The following UGT8 variants were observed in gnomAD, a reference collection of about 807,000 sequenced individuals.
UGT8 encodes the protein 2-hydroxyacylsphingosine 1-beta-galactosyltransferase.
A neutral mutation model predicts 40.5 loss-of-function variants in UGT8; 12 were observed. The observed-to-expected ratio is 0.30, with a 90% CI of 0.19 to 0.48. The LOEUF (loss-of-function observed/expected upper bound fraction) is 0.48, where lower values mean the gene tolerates loss of function less well. UGT8 is among the 20% of genes least tolerant of loss of function. UGT8 has a pLI of 0.99. For synonymous variants in UGT8, 224 were observed against 240.4 expected (o/e 0.93, Z 0.63); for missense variants, 513 against 648.7 (o/e 0.79, Z 2.27).
At chr4:114,617,091 A>C (rs1731488922) in intron 1 of UGT8, among the ~76,000 whole-genome samples, 1 of 152,050 alleles carries the variant, frequency 6.6e-6, no homozygotes, top group Non-Finnish European at 1.5e-5. Context: ...TCTCTACTAA[A>C]AAAAATACAA....
At chr4:114,651,421 T>C (rs899879755) in intron 2 of UGT8, among the ~76,000 whole-genome samples, 1 of 152,138 alleles carries the variant, frequency 6.6e-6, no homozygotes, top group African/African-American at 2.4e-5. Flanking sequence ...TTTATAAATG[T>C]AGAAGTCTCA....
intron 2 of UGT8, among the ~76,000 whole-genome samples, chr4:114,637,928 T>C (rs1228920254): frequency 6.6e-6 from 1 of 152,234 alleles, no homozygotes; most frequent in African/African-American, 2.4e-5. Context: ...GAGTTTGGGC[T>C]AAACGAACCT....
At chr4:114,615,171 G>A (rs1422141463) in intron 1 of UGT8, among the ~76,000 whole-genome samples, 66 of 151,728 alleles carry the variant, frequency 4.3e-4, no homozygotes, top group Non-Finnish European at 1.9e-4. Context: ...TGGGATATGA[G>A]TACATTAATT....
intron 1 of UGT8, among the ~76,000 whole-genome samples, chr4:114,612,802 A>G (rs1367781019): frequency 6.6e-6 from 1 of 152,150 alleles, no homozygotes; most frequent in Non-Finnish European, 1.5e-5. Context: ...CGTCTACTGA[A>G]CCACAATTTA....
chr4:114,642,692 A>G (rs1733302489), intron 2 of UGT8, among the ~76,000 whole-genome samples: 1 of 152,168 alleles, frequency 6.6e-6, no homozygotes, highest in South Asian at 2.1e-4. Flanking sequence ...TGTAAGCAAT[A>G]GGATTTGTTC....
intron 2 of UGT8, among the ~76,000 whole-genome samples, chr4:114,659,692 C>T (rs1403596773): frequency 6.6e-6 from 1 of 152,046 alleles, no homozygotes; most frequent in Non-Finnish European, 1.5e-5. Context: ...ACCTTATCCA[C>T]AAATATTCAT....
intron 2 of UGT8, among the ~76,000 whole-genome samples, chr4:114,636,000 T>A (rs1456021417): frequency 6.6e-6 from 1 of 152,198 alleles, no homozygotes; most frequent in Non-Finnish European, 1.5e-5. Context: ...ATTCTGATAA[T>A]GTTTTGATAT....
At chr4:114,661,545 A>G (rs1734537474) in intron 2 of UGT8, among the ~76,000 whole-genome samples, 1 of 152,196 alleles carries the variant, frequency 6.6e-6, no homozygotes, top group African/African-American at 2.4e-5. Flanking sequence ...TCATGACTCC[A>G]GAACCACCTG....
chr4:114,660,890 CA>C (rs34026143), intron 2 of UGT8, among the ~76,000 whole-genome samples: 5,600 of 102,914 alleles, frequency 0.054, 105 homozygotes, highest in African/African-American at 0.1. Flanking sequence ...GACTCTGTCT[CA>C]AAAAAAAAAA....
chr4:114,657,992 T>C (rs1418685984), intron 2 of UGT8, among the ~76,000 whole-genome samples: 1 of 152,170 alleles, frequency 6.6e-6, no homozygotes, highest in African/African-American at 2.4e-5. Context: ...TTGGTGCATT[T>C]TTATTTTGAA....
intron 2 of UGT8, among the ~76,000 whole-genome samples, chr4:114,649,421 T>C (rs1452904804): frequency 2.0e-5 from 3 of 152,142 alleles, no homozygotes; most frequent in Non-Finnish European, 4.4e-5. Context: ...TTGAAAAAAA[T>C]TAAGTAGCTA....
At chr4:114,630,431 A>G (rs182911504) in intron 2 of UGT8, among the ~76,000 whole-genome samples, 97 of 152,310 alleles carry the variant, frequency 6.4e-4, no homozygotes, top group Admixed American at 1.8e-3. Context: ...TTATTACTCT[A>G]TTACTCTTAT....
At chr4:114,661,105 G>T (rs536099086) in intron 2 of UGT8, among the ~76,000 whole-genome samples, 2 of 151,882 alleles carry the variant, frequency 1.3e-5, no homozygotes, top group South Asian at 4.2e-4. Context: ...GGTATATTTG[G>T]TATATTTCTG....
intron 2 of UGT8, among the ~76,000 whole-genome samples, chr4:114,661,287 G>A (rs1186234915): frequency 1.3e-5 from 2 of 151,928 alleles, no homozygotes; most frequent in East Asian, 1.9e-4. Context: ...GTGTGTGTGC[G>A]TGTGTGTGTG....
rs548511176 is a variant in UGT8 at position 114,666,270 on chromosome 4, T to C, written c.1042+514T>C. On this transcript the variant is annotated intron_variant, in intron 4 of 5. Transcript: ENST00000310836. ...CTTTAACTGGATTATCTGCTCTGTT[T>C]AGTCCTAAATCATTGGGCATTTTTG... 2.4e-4 allele frequency among the ~76,000 whole-genome samples: 36 copies of C among 152,280 alleles called. No homozygotes were observed. In the East Asian group the frequency reaches 6.7e-3, roughly 29 times the overall value.
intron 2 of UGT8, among the ~76,000 whole-genome samples, chr4:114,649,323 G>A (rs780532973): frequency 5.3e-5 from 8 of 152,204 alleles, no homozygotes; most frequent in African/African-American, 7.2e-5. Flanking sequence ...AATCAGAAGC[G>A]TGAACATTTA....
At chr4:114,614,603 A>G (rs1454074411) in intron 1 of UGT8, among the ~76,000 whole-genome samples, 1 of 152,212 alleles carries the variant, frequency 6.6e-6, no homozygotes, top group African/African-American at 2.4e-5. Flanking sequence ...AGTTTGTGAA[A>G]TGGAACCAAA....
In UGT8 at chr4:114,677,400, T is replaced by G. The variant is rs1325198239; in HGVS notation, c.*1112T>G. 1 of 152,222 alleles carries G rather than the reference T, an allele frequency of 6.6e-6. No individual in the cohort carries two copies. Among genetic ancestry groups the G allele is most frequent in the African/African-American group, 2.4e-5 (1 of 41,460 alleles). The allele number at this position is 152,222 out of a possible 1,614,324, so 9.4% of individuals were successfully genotyped here. A position where few individuals can be genotyped will look rare whatever the true frequency, so the allele number is the denominator to read the frequency against. On this transcript the variant is annotated 3_prime_UTR_variant, in exon 6 of 6. Coordinates refer to ENST00000310836, the MANE Select transcript of UGT8 (RefSeq NM_001128174.3). ...GTTTTCCATATTGGTACCTGCTTTT[T>G]CTGGAGAGGTTTGAGATCTTGTTAA...
chr4:114,600,562 A>G (rs1038095908), intron 1 of UGT8, among the ~76,000 whole-genome samples: 1 of 152,162 alleles, frequency 6.6e-6, no homozygotes, highest in African/African-American at 2.4e-5. Context: ...GGGTTGTTAC[A>G]TAGGTAAACA....
Sources: gnomAD v4.1 joint callset for allele counts (sites outside exome capture counted in the v4.1 genomes callset) on GRCh38, gnomAD v4.1.1 for gene constraint, MANE v1.5 for transcripts, NCBI Gene and HGNC (gene_info 2026-07-23, HGNC 2026-07-21) for gene names.